Variants in FMNL2 observed in about 807,000 individuals in gnomAD.
FMNL2 encodes the protein formin-like protein 2.
FMNL2 carries 51 observed loss-of-function variants against 130.2 expected under a neutral mutation model. That is an observed-to-expected ratio of 0.39 (90% CI 0.31 to 0.49). The LOEUF (loss-of-function observed/expected upper bound fraction) is 0.49, where lower values mean the gene tolerates loss of function less well. FMNL2 is among the 20% of genes least tolerant of loss of function. The pLI is 0.85. For missense variants in FMNL2, 977 were observed against 1,316.2 expected, an observed-to-expected ratio of 0.74 and a Z score of 3.99; for synonymous variants, 465 against 467.1, an observed-to-expected ratio of 1.00 and a Z score of 0.06.
At chr2:152,527,920 A>G (rs1472700374) in intron 2 of FMNL2, among the ~76,000 whole-genome samples, 1 of 152,118 alleles carries the variant, frequency 6.6e-6, no homozygotes, top group Non-Finnish European at 1.5e-5. Context: ...AGTGGGAGGT[A>G]GTATTAGAGA....
At chr2:152,625,596 A>G (rs1248987320) in intron 16 of FMNL2, 34 bp downstream of exon 16, 1 of 1,582,162 alleles carries the variant, frequency 6.3e-7, no homozygotes, top group Non-Finnish European at 8.7e-7. Flanking sequence ...CTAGAGGTGC[A>G]CTCTGTGCAG....
intron 1 of FMNL2, among the ~76,000 whole-genome samples, chr2:152,427,054 TA>T (rs1456312036): frequency 2.0e-5 from 3 of 152,188 alleles, no homozygotes; most frequent in African/African-American, 7.2e-5. Flanking sequence ...CAACTCCTCG[TA>T]GGAGAGGATT....
Position 152,342,458 on chromosome 2 carries a change from A to G in FMNL2, c.117+6738A>G, listed in dbSNP as rs184230980. Among the ~76,000 whole-genome samples the G allele has an allele frequency of 6.4e-3, 972 of 152,288 alleles. 10 individuals are homozygous for G. The highest frequency in any genetic ancestry group is 0.022 in the African/African-American group (894 of 41,552). On this transcript the variant is annotated intron_variant, in intron 1 of 25. Transcript: ENST00000288670. ...ATCTCATCTTGTAGAGCGGCTCTTT[A>G]TGGAGTGCCACTGCCATCCCTGCAA...
intron 1 of FMNL2, among the ~76,000 whole-genome samples, chr2:152,466,235 C>T (rs1689526978): frequency 6.6e-6 from 1 of 152,186 alleles, no homozygotes; most frequent in South Asian, 2.1e-4. Context: ...ACCACGTGTG[C>T]CCTCCTGCCC....
intron 1 of FMNL2, among the ~76,000 whole-genome samples, chr2:152,395,703 C>T (rs750161828): frequency 5.3e-5 from 8 of 152,146 alleles, no homozygotes; most frequent in Non-Finnish European, 8.8e-5. Context: ...ATTGAGAGGA[C>T]GGTTTGGAAA....
rs183776366 is a variant in FMNL2, at chr2:152,534,958, C to T, written c.202-7781C>T. ...TTCAGAGCTGAAGAATGTTTTGAGGCTCTCCAAGAAACTATGGCTGTGGAA... is the reference window on the plus strand; with the variant it reads ...TTCAGAGCTGAAGAATGTTTTGAGGTTCTCCAAGAAACTATGGCTGTGGAA... On this transcript the variant is annotated intron_variant, in intron 2 of 25. Coordinates refer to ENST00000288670, the MANE Select transcript of FMNL2 (RefSeq NM_052905.4). Among the ~76,000 whole-genome samples, 8 of 152,234 alleles carry T rather than the reference C, an allele frequency of 5.3e-5. No homozygotes were observed. In the East Asian group the frequency reaches 1.5e-3, roughly 29 times the overall value.
At chr2:152,476,000 T>C (rs959835431) in intron 1 of FMNL2, among the ~76,000 whole-genome samples, 2 of 152,258 alleles carry the variant, frequency 1.3e-5, no homozygotes, top group Non-Finnish European at 2.9e-5. Flanking sequence ...TGAGCAATTA[T>C]GTTTCTAGTG....
At position 152,517,164 on chromosome 2, in the gene FMNL2, A is replaced by AT. The variant is rs1440086032; in HGVS notation, c.118-4772dup. On this transcript the variant is annotated intron_variant, in intron 1 of 25. Coordinates refer to ENST00000288670, the MANE Select transcript of FMNL2 (RefSeq NM_052905.4). The stretch of plus-strand genomic sequence containing the variant: ...CAGGAAAATATTGCTAGAATTGAAG[A>AT]TTTTTTTCCCCCGTGAGTTTTTTTT... Among the ~76,000 whole-genome samples the AT allele has an allele frequency of 1.1e-4, 16 of 141,916 alleles. No individual in the cohort carries two copies. The East Asian group carries it at 2.3e-3, about 20-fold the overall frequency. 93.1% of individuals were successfully genotyped at this position (141,916 alleles called of 152,430 possible). A position where few individuals can be genotyped will look rare whatever the true frequency, so the allele number is the denominator to read the frequency against.
intron 1 of FMNL2, among the ~76,000 whole-genome samples, chr2:152,417,397 G>C (rs34047327): frequency 0.18 from 27,323 of 152,170 alleles, 2,578 homozygotes; most frequent in Middle Eastern, 0.3. Flanking sequence ...CTTTCTGTCA[G>C]CTGAATCTGC....
At chr2:152,535,048 A>C (rs1267295650) in intron 2 of FMNL2, among the ~76,000 whole-genome samples, 1 of 152,206 alleles carries the variant, frequency 6.6e-6, no homozygotes, top group Non-Finnish European at 1.5e-5. Flanking sequence ...AAAAGTTGGG[A>C]ACGGAGGAAA....
chr2:152,391,945 A>G (rs1685139236), intron 1 of FMNL2, among the ~76,000 whole-genome samples: 1 of 140,622 alleles, frequency 7.1e-6, no homozygotes, highest in Admixed American at 7.3e-5. Flanking sequence ...TATTGTCTCG[A>G]AAACATCTAC....
chr2:152,590,064 C>A (rs1420118639), intron 9 of FMNL2, among the ~76,000 whole-genome samples: 1 of 140,982 alleles, frequency 7.1e-6, no homozygotes, highest in Non-Finnish European at 1.5e-5. Flanking sequence ...TATATAATTT[C>A]TTGTGGAGAC....
chr2:152,345,681 G>A (rs1318183817), intron 1 of FMNL2, among the ~76,000 whole-genome samples: 2 of 152,140 alleles, frequency 1.3e-5, no homozygotes, highest in Admixed American at 1.3e-4. Flanking sequence ...CTTCTGCCTG[G>A]TGAACCTAGG....
At chr2:152,508,402 G>T (rs566291002) in intron 1 of FMNL2, among the ~76,000 whole-genome samples, 2 of 152,318 alleles carry the variant, frequency 1.3e-5, no homozygotes, top group Non-Finnish European at 2.9e-5. Context: ...CCCTCTGGAA[G>T]AAGACAGATC....
chr2:152,558,886 G>A, intron 5 of FMNL2, 63 bp downstream of exon 5: 2 of 1,419,888 alleles, frequency 1.4e-6, no homozygotes, highest in Non-Finnish European at 2.0e-6. Context: ...GCTACTCAGT[G>A]GTAAAATTAT....
intron 1 of FMNL2, among the ~76,000 whole-genome samples, chr2:152,348,643 A>G (rs1204814260): frequency 6.6e-6 from 1 of 152,192 alleles, no homozygotes; most frequent in Non-Finnish European, 1.5e-5. Flanking sequence ...AGAGACAACA[A>G]GTTGGCATCA....
intron 1 of FMNL2, among the ~76,000 whole-genome samples, chr2:152,502,190 A>G (rs1232939224): frequency 6.6e-6 from 1 of 152,238 alleles, no homozygotes; most frequent in Non-Finnish European, 1.5e-5. Flanking sequence ...CCATTCAAAT[A>G]TAGGATTGAT....
At chr2:152,584,509 T>C (rs997593801) in intron 9 of FMNL2, among the ~76,000 whole-genome samples, 2 of 152,210 alleles carry the variant, frequency 1.3e-5, no homozygotes, top group South Asian at 4.1e-4. Flanking sequence ...AATAAAGTAA[T>C]ATGCTTTAGA....
intron 9 of FMNL2, among the ~76,000 whole-genome samples, chr2:152,589,811 G>A (rs1191410250): frequency 3.3e-5 from 5 of 151,480 alleles, no homozygotes. Flanking sequence ...TGCTCTTCCT[G>A]TGTAAAGGAG....
Sources: gnomAD v4.1 joint callset for allele counts (sites outside exome capture counted in the v4.1 genomes callset) on GRCh38, gnomAD v4.1.1 for gene constraint, MANE v1.5 for transcripts, NCBI Gene and HGNC (gene_info 2026-07-23, HGNC 2026-07-21) for gene names.